CSNK2A1: variants seen among roughly 807,000 people sequenced by gnomAD.
The protein encoded by CSNK2A1 is casein kinase II subunit alpha.
In CSNK2A1, 10 loss-of-function variants were observed where a neutral mutation model predicts 62.9. The observed-to-expected ratio is 0.16, with a 90% CI of 0.10 to 0.27. The LOEUF (loss-of-function observed/expected upper bound fraction) is 0.27, where lower values mean the gene tolerates loss of function less well. CSNK2A1 is among the 10% of genes least tolerant of loss of function. The pLI is 1.00. For synonymous variants in CSNK2A1, 124 were observed against 167.8 expected (o/e 0.74, Z 2.02); for missense variants, 160 against 492.0 (o/e 0.33, Z 6.38).
intron 13 of CSNK2A1, among the ~76,000 whole-genome samples, chr20:484,677 CCTCT>C (rs2018027535): frequency 6.7e-6 from 1 of 148,666 alleles, no homozygotes; most frequent in African/African-American, 2.5e-5. Flanking sequence ...ATTTCTTCCA[CCTCT>C]CTAATCATGT....
At position 538,105 on chromosome 20, in the gene CSNK2A1, C is replaced by T. The variant is rs113570180; in HGVS notation, c.-227+5567G>A. 9.8e-3 allele frequency among the ~76,000 whole-genome samples: 1,484 copies of T among 152,040 alleles called. 22 individuals carry two copies. The highest frequency in any genetic ancestry group is 0.034 in the African/African-American group (1,391 of 41,472). On this transcript the variant is annotated intron_variant, in intron 1 of 13. Transcript: ENST00000217244. ...TCCTGAGTAGCTGGGACCACAGGCA[C>T]GCACCTCCACACTCAGCTAATTTTA...
intron 1 of CSNK2A1, among the ~76,000 whole-genome samples, chr20:529,920 G>A (rs1257182638): frequency 1.3e-5 from 2 of 152,198 alleles, no homozygotes; most frequent in Non-Finnish European, 2.9e-5. Flanking sequence ...ATTTCCCACA[G>A]ATGGCTGGGA....
chr20:515,698 T>A (rs6037844), intron 2 of CSNK2A1, among the ~76,000 whole-genome samples: 3,630 of 152,292 alleles, frequency 0.024, 161 homozygotes, highest in African/African-American at 0.083. Context: ...AAGAACCATG[T>A]TTAATTTACC....
intron 2 of CSNK2A1, chr20:510,385 G>A (rs2018693893): frequency 6.6e-6 from 1 of 152,090 alleles, no homozygotes; most frequent in Non-Finnish European, 1.5e-5. Flanking sequence ...ATGTTGGTCA[G>A]GCTGGTCTCA....
intron 1 of CSNK2A1, among the ~76,000 whole-genome samples, chr20:531,643 G>A (rs1022905290): frequency 3.3e-5 from 5 of 152,056 alleles, no homozygotes; most frequent in Non-Finnish European, 7.4e-5. Context: ...AATAATTCCT[G>A]AGTTAGACAA....
At chr20:530,935 T>A (rs748467122) in intron 1 of CSNK2A1, among the ~76,000 whole-genome samples, 9 of 152,004 alleles carry the variant, frequency 5.9e-5, no homozygotes, top group Non-Finnish European at 1.3e-4. Context: ...AAATACAAAA[T>A]TAGCCAGGTG....
At position 499,211 on chromosome 20, in the gene CSNK2A1, G is replaced by A. The variant is rs752763198; in HGVS notation, c.366+44C>T. ...CAGCATCATCCCCAAAGGCTATGTGGTCTAAAAACCCACTAGCCCGAAACA... is the reference window on the plus strand; with the variant it reads ...CAGCATCATCCCCAAAGGCTATGTGATCTAAAAACCCACTAGCCCGAAACA... On this transcript the variant is annotated intron_variant, in intron 6 of 13. Transcript: ENST00000217244. The surrounding 1 kb of genome is among the most constrained non-coding windows in gnomAD (Gnocchi z 4.2). 6.6e-7 allele frequency: 1 copy of A among 1,511,308 alleles called. No individual in the cohort carries two copies. Among genetic ancestry groups the A allele is most frequent in the African/African-American group, 1.4e-5 (1 of 71,278 alleles). 93.6% of individuals were successfully genotyped at this position (1,511,308 alleles called of 1,614,324 possible).
In CSNK2A1 at chr20:473,081, GCTTC is replaced by G. The variant is rs2017783779; in HGVS notation, c.*10876_*10879del. On this transcript the variant is annotated 3_prime_UTR_variant, in exon 14 of 14. Transcript: ENST00000217244. ...TGCTATGGTTACCCCCAATGCAGCA[GCTTC>G]CAGTTCCTCCAATGACACCTTGGAC... The G allele has an allele frequency of 6.6e-6, 1 of 152,490 alleles. No individual in the cohort carries two copies. The highest frequency in any genetic ancestry group is 2.4e-5 in the African/African-American group (1 of 41,478). 9.4% of individuals were successfully genotyped at this position (152,490 alleles called of 1,614,324 possible). A position where few individuals can be genotyped will look rare whatever the true frequency, so the allele number is the denominator to read the frequency against.
At chr20:532,330 ATTTTTTTTTT>A (rs138287291) in intron 1 of CSNK2A1, among the ~76,000 whole-genome samples, 6 of 121,978 alleles carry the variant, frequency 4.9e-5, no homozygotes, top group East Asian at 2.5e-4. Context: ...TGCCCGGCTA[ATTTTTTTTTT>A]TTTTTTTTTT....
chr20:512,922 T>C (rs1457464031), intron 2 of CSNK2A1, among the ~76,000 whole-genome samples: 1 of 152,180 alleles, frequency 6.6e-6, no homozygotes, highest in African/African-American at 2.4e-5. Flanking sequence ...TTTCTTGTAA[T>C]TTTTCTTCTT....
intron 11 of CSNK2A1, chr20:487,901 A>G: frequency 2.8e-6 from 1 of 360,816 alleles, no homozygotes; most frequent in Non-Finnish European, 5.1e-6. Context: ...TCCCATCCCC[A>G]CACATATTCC....
At chr20:539,654 T>C (rs571078825) in intron 1 of CSNK2A1, 2 of 152,316 alleles carry the variant, frequency 1.3e-5, no homozygotes, top group South Asian at 4.1e-4. Flanking sequence ...ATGGAAATCG[T>C]AGGGGAGCCA....
At chr20:485,394 G>A (rs2018076508) in intron 13 of CSNK2A1, among the ~76,000 whole-genome samples, 1 of 151,890 alleles carries the variant, frequency 6.6e-6, no homozygotes, top group South Asian at 2.1e-4. Context: ...TGCTGGCCAG[G>A]CTGGTCTCGA....
chr20:473,614 G>A lies in CSNK2A1; in HGVS notation c.*10347C>T, dbSNP rs558039781. ...CTGCCATTGTCTTCTTCCAGATCTTGAGACATTTTATTAAAACTTTCTCCA... is the reference window on the plus strand; with the variant it reads ...CTGCCATTGTCTTCTTCCAGATCTTAAGACATTTTATTAAAACTTTCTCCA... On this transcript the variant is annotated 3_prime_UTR_variant, in exon 14 of 14. Coordinates refer to ENST00000217244, the MANE Select transcript of CSNK2A1 (RefSeq NM_177559.3). The A allele has an allele frequency of 6.6e-6, 1 of 152,342 alleles. No individual in the cohort carries two copies. The highest frequency in any genetic ancestry group is 2.1e-4 in the South Asian group (1 of 4,822). The allele number at this position is 152,342 out of a possible 1,614,324, so 9.4% of individuals were successfully genotyped here. A position where few individuals can be genotyped will look rare whatever the true frequency, so the allele number is the denominator to read the frequency against.
chr20:535,376 G>T (rs1419177436), intron 1 of CSNK2A1, among the ~76,000 whole-genome samples: 1 of 152,202 alleles, frequency 6.6e-6, no homozygotes, highest in Non-Finnish European at 1.5e-5. Context: ...TTAATTGCTA[G>T]GCAATAGTCT....
intron 13 of CSNK2A1, among the ~76,000 whole-genome samples, chr20:486,003 C>T (rs1342080908): frequency 6.6e-6 from 1 of 152,200 alleles, no homozygotes; most frequent in Non-Finnish European, 1.5e-5. Context: ...TCCTTGTACA[C>T]ATACACACCT....
chr20:543,735 C>A lies in CSNK2A1; in HGVS notation c.-290G>T. On this transcript the variant is annotated 5_prime_UTR_variant, in exon 1 of 14. Transcript: ENST00000217244. The stretch of plus-strand genomic sequence containing the variant: ...TCTGCTCACACAGACAATATGGCGG[C>A]GATGGAGGAGGAGACACACGGCTCG... 2.5e-6 allele frequency: 1 copy of A among 398,406 alleles called. No homozygotes were observed. The allele number at this position is 398,406 out of a possible 1,614,324, so 24.7% of individuals were successfully genotyped here.
At chr20:541,884 T>C (rs1003383060) in intron 1 of CSNK2A1, among the ~76,000 whole-genome samples, 1 of 152,228 alleles carries the variant, frequency 6.6e-6, no homozygotes, top group African/African-American at 2.4e-5. Flanking sequence ...CAAAGCCAAG[T>C]ATTTCAAAGT....
intron 1 of CSNK2A1, among the ~76,000 whole-genome samples, chr20:532,118 C>G (rs188551574): frequency 1.6e-3 from 239 of 152,140 alleles, no homozygotes; most frequent in African/African-American, 5.6e-3. Flanking sequence ...GTTCAGATAT[C>G]CAATTACTGA....
Sources: gnomAD v4.1 joint callset for allele counts (sites outside exome capture counted in the v4.1 genomes callset) on GRCh38, gnomAD v4.1.1 for gene constraint, Gnocchi (gnomAD v3.1) non-coding constraint, MANE v1.5 for transcripts, NCBI Gene and HGNC (gene_info 2026-07-23, HGNC 2026-07-21) for gene names.